ABCC8: variants seen among roughly 807,000 people sequenced by gnomAD.
ABCC8 encodes the protein ATP-binding cassette sub-family C member 8.
Under a neutral mutation model 188.0 loss-of-function variants are expected in ABCC8, and 137 were observed. That is an observed-to-expected ratio of 0.73 (90% CI 0.63 to 0.84). ABCC8 has a LOEUF of 0.84. ABCC8 is among the 40% of genes least tolerant of loss of function. The pLI is 0.00. For synonymous variants in ABCC8, 797 were observed against 846.5 expected (o/e 0.94, Z 1.01); for missense variants, 1,750 against 2,072.7 (o/e 0.84, Z 3.02).
chr11:17,416,234 CA>C (rs1181382064), intron 17 of ABCC8, among the ~76,000 whole-genome samples: 1 of 152,154 alleles, frequency 6.6e-6, no homozygotes, highest in Non-Finnish European at 1.5e-5. Flanking sequence ...TAGGGTATCT[CA>C]AGTGTTTTTT....
intron 10 of ABCC8, chr11:17,436,033 C>G: frequency 8.4e-7 from 1 of 1,191,890 alleles, no homozygotes; most frequent in Non-Finnish European, 1.3e-6. Flanking sequence ...AGATATGGGA[C>G]AGTTTGAACT....
intron 10 of ABCC8, among the ~76,000 whole-genome samples, chr11:17,434,704 G>T (rs527688378): frequency 3.3e-5 from 5 of 151,924 alleles, no homozygotes; most frequent in South Asian, 4.2e-4. Flanking sequence ...CAATTTTATT[G>T]TCTTTATTTT....
intron 20 of ABCC8, chr11:17,412,951 AT>A: frequency 1.7e-6 from 2 of 1,173,926 alleles, no homozygotes; most frequent in East Asian, 5.2e-5. Flanking sequence ...GTCTTTAAAG[AT>A]TCATTGTGTA....
intron 17 of ABCC8, 146 bp downstream of exon 17, chr11:17,416,784 G>T: frequency 2.4e-6 from 3 of 1,262,390 alleles, no homozygotes; most frequent in South Asian, 1.3e-5. Flanking sequence ...CATTGAGAAT[G>T]CAGGCCTTAG....
At chr11:17,397,156 T>C (rs1564878009) in intron 32 of ABCC8, 37 bp downstream of exon 32, 6 of 1,613,246 alleles carry the variant, frequency 3.7e-6, no homozygotes, top group Admixed American at 1.7e-5. Context: ...ACACTCCTCC[T>C]TGGACTCTTC....
rs180928243 is a variant in ABCC8, at chr11:17,404,195, A to G, written c.3557+317T>C. On this transcript the variant is annotated intron_variant, in intron 28 of 38. Transcript: ENST00000389817. The surrounding 1 kb of genome is among the most constrained non-coding windows in gnomAD (Gnocchi z 4.7). ...TCAGCCTGACCACTAGAATGATGCA[A>G]CCCTCCTGGGAAGCATGTTGGCAAA... 1.3e-3 allele frequency among the ~76,000 whole-genome samples: 202 copies of G among 152,230 alleles called. 4 individuals are homozygous for G. The South Asian group carries it at 0.024, about 18-fold the overall frequency.
At chr11:17,457,600 T>C (rs566876278) in intron 6 of ABCC8, among the ~76,000 whole-genome samples, 2 of 152,040 alleles carry the variant, frequency 1.3e-5, no homozygotes, top group South Asian at 2.1e-4. Flanking sequence ...GGAGTAGGGG[T>C]TGGGTTGGAG....
intron 6 of ABCC8, among the ~76,000 whole-genome samples, chr11:17,456,082 C>T (rs1591871967): frequency 2.0e-5 from 3 of 151,868 alleles, no homozygotes; most frequent in South Asian, 2.1e-4. Context: ...CTGGTCAGCA[C>T]CCTGCAGGTA....
chr11:17,398,510 C>T (rs1954062815), intron 29 of ABCC8, 69 bp from the exon 30 acceptor site: 1 of 1,599,186 alleles, frequency 6.3e-7, no homozygotes, highest in Non-Finnish European at 8.5e-7. Context: ...GTCTCCCTAC[C>T]TGCAGAGGGA....
chr11:17,419,963 T>TTACA (rs1386887115), intron 16 of ABCC8, among the ~76,000 whole-genome samples: 1 of 152,172 alleles, frequency 6.6e-6, no homozygotes, highest in Non-Finnish European at 1.5e-5. Context: ...GGAGAATGTA[T>TTACA]TACAGCTCAC....
At chr11:17,471,247 A>G (rs1234409587) in intron 2 of ABCC8, among the ~76,000 whole-genome samples, 1 of 152,234 alleles carries the variant, frequency 6.6e-6, no homozygotes, top group Non-Finnish European at 1.5e-5. Flanking sequence ...TCAGCAGGCT[A>G]GGGAAGTGAT....
chr11:17,473,668 T>A (rs1478701006), intron 2 of ABCC8, among the ~76,000 whole-genome samples: 4 of 152,272 alleles, frequency 2.6e-5, no homozygotes, highest in African/African-American at 9.6e-5. Flanking sequence ...CTCCCGCTCC[T>A]CTTCTGTCCC....
At chr11:17,441,606 T>G (rs1395821908) in intron 10 of ABCC8, among the ~76,000 whole-genome samples, 2 of 152,130 alleles carry the variant, frequency 1.3e-5, no homozygotes, top group South Asian at 2.1e-4. Context: ...GCTAAATATC[T>G]ACATCCCAAT....
intron 16 of ABCC8, among the ~76,000 whole-genome samples, chr11:17,417,485 T>C (rs1431471311): frequency 6.6e-6 from 1 of 152,234 alleles, no homozygotes; most frequent in African/African-American, 2.4e-5. Flanking sequence ...TAATGTCAAA[T>C]GCTTTTCATA....
At chr11:17,473,424 A>G (rs1404013694) in intron 2 of ABCC8, among the ~76,000 whole-genome samples, 1 of 152,122 alleles carries the variant, frequency 6.6e-6, no homozygotes, top group Non-Finnish European at 1.5e-5. Context: ...ATGCAGGGAC[A>G]TTGGGGAAGG....
At position 17,415,303 on chromosome 11, in the gene ABCC8, C is replaced by T. The variant is rs1160946320; in HGVS notation, c.2291+1G>A. 1 of 1,609,212 alleles carries T rather than the reference C, an allele frequency of 6.2e-7. No homozygotes were observed. Among genetic ancestry groups the T allele is most frequent in the South Asian group, 1.1e-5 (1 of 89,166 alleles). Reference sequence around the variant, plus strand: ...GGGGCAATGTTCCCAGGACGCAGTACCTGATATCCAAGTCGGTCGCTGTCT... The same window carrying T: ...GGGGCAATGTTCCCAGGACGCAGTATCTGATATCCAAGTCGGTCGCTGTCT... On this transcript the variant is annotated splice_donor_variant, in intron 18 of 38. Coordinates refer to ENST00000389817, the MANE Select transcript of ABCC8 (RefSeq NM_000352.6). LOFTEE classifies it high-confidence loss of function.
Position 17,403,831 on chromosome 11 carries a change from T to C in ABCC8, c.3557+681A>G, listed in dbSNP as rs899262653. 2.6e-5 allele frequency among the ~76,000 whole-genome samples: 4 copies of C among 152,220 alleles called. No individual in the cohort carries two copies. In the South Asian group the frequency reaches 6.2e-4, roughly 24 times the overall value. ...TGCTGGTTGTGATCCATGATATTGATTTCATGACCCACTGATGGGCTGTAA... is the reference window on the plus strand; with the variant it reads ...TGCTGGTTGTGATCCATGATATTGACTTCATGACCCACTGATGGGCTGTAA... On this transcript the variant is annotated intron_variant, in intron 28 of 38. Transcript: ENST00000389817.
intron 16 of ABCC8, among the ~76,000 whole-genome samples, chr11:17,423,073 G>A (rs1955418723): frequency 6.6e-6 from 1 of 151,900 alleles, no homozygotes; most frequent in African/African-American, 2.4e-5. Flanking sequence ...TTAAAAGCGG[G>A]GCCGGCCAGG....
chr11:17,441,699 A>G (rs1432025430), intron 10 of ABCC8, among the ~76,000 whole-genome samples: 1 of 152,196 alleles, frequency 6.6e-6, no homozygotes, highest in African/African-American at 2.4e-5. Context: ...CCAGGACTCC[A>G]TGGATCACCT....
Sources: allele counts gnomAD v4.1 joint callset (sites outside exome capture counted in the v4.1 genomes callset), GRCh38; gene constraint gnomAD v4.1.1; non-coding constraint Gnocchi (gnomAD v3.1); transcripts MANE v1.5; gene names NCBI Gene and HGNC (gene_info 2026-07-23, HGNC 2026-07-21).